EPS15L1: variants seen among roughly 807,000 people sequenced by gnomAD.
EPS15L1 encodes the protein epidermal growth factor receptor pathway substrate 15 like 1.
EPS15L1 carries 43 observed loss-of-function variants against 117.1 expected under a neutral mutation model. That is an observed-to-expected ratio of 0.37 (90% confidence interval 0.29 to 0.47). The LOEUF is 0.47. Among genes scored for constraint, EPS15L1 ranks in the 20% least tolerant of loss-of-function variants. The probability of loss-of-function intolerance (pLI) is 0.99; values close to 1 mark genes in which losing one functional copy is unlikely to be tolerated. For synonymous variants in EPS15L1, 459 were observed against 470.5 expected, an observed-to-expected ratio of 0.98 and a Z score of 0.32; for missense variants, 981 against 1,164.0, an observed-to-expected ratio of 0.84 and a Z score of 2.29.
At chr19:16,444,105 C>G (rs1599660437) in intron 1 of EPS15L1, among the ~76,000 whole-genome samples, 1 of 115,426 alleles carries the variant, frequency 8.7e-6, no homozygotes, top group African/African-American at 3.3e-5. Flanking sequence ...ACAGAGAAAA[C>G]TACCATGACA....
intron 1 of EPS15L1, among the ~76,000 whole-genome samples, chr19:16,450,477 CTTTTTTTT>C (rs768287701): frequency 1.8e-5 from 2 of 108,198 alleles, no homozygotes; most frequent in Admixed American, 1.0e-4. Context: ...TGTCCATCTT[CTTTTTTTT>C]TTTTTTTTTT....
chr19:16,418,214 G>A, intron 10 of EPS15L1, 110 bp from the exon 11 acceptor site: 3 of 1,264,918 alleles, frequency 2.4e-6, no homozygotes, highest in South Asian at 2.8e-5. Flanking sequence ...AACAACGGCA[G>A]GGCGTGGTGG....
intron 19 of EPS15L1, 77 bp downstream of exon 19, chr19:16,392,227 G>C: frequency 6.5e-7 from 1 of 1,546,054 alleles, no homozygotes; most frequent in Admixed American, 1.7e-5. Flanking sequence ...CGAAGGGAAG[G>C]GGGCCTTCGG....
At chr19:16,407,257 T>C (rs1391124778) in intron 13 of EPS15L1, among the ~76,000 whole-genome samples, 1 of 152,160 alleles carries the variant, frequency 6.6e-6, no homozygotes, top group Non-Finnish European at 1.5e-5. Flanking sequence ...CAGAAGCTCC[T>C]GCCCTACTCA....
chr19:16,416,419 T>C (rs907907043), intron 12 of EPS15L1, among the ~76,000 whole-genome samples: 2 of 152,140 alleles, frequency 1.3e-5, no homozygotes, highest in Non-Finnish European at 2.9e-5. Flanking sequence ...GAGGATCACT[T>C]GAGCTCAGGA....
intron 3 of EPS15L1, chr19:16,441,134 T>A: frequency 1.7e-6 from 1 of 580,462 alleles, no homozygotes; most frequent in South Asian, 1.9e-5. Context: ...TGCACTCAGC[T>A]CCCAAGCCAA....
chr19:16,413,612 T>TG (rs2092728273), intron 13 of EPS15L1, 161 bp downstream of exon 13: 5 of 730,352 alleles, frequency 6.8e-6, no homozygotes, highest in Non-Finnish European at 1.1e-5. Context: ...GAATTCAGCC[T>TG]GAAAAAAAAA....
intron 23 of EPS15L1, chr19:16,356,239 G>A (rs2091978436): frequency 4.4e-6 from 1 of 227,936 alleles, no homozygotes; most frequent in African/African-American, 2.2e-5. Flanking sequence ...TCTGCACTCT[G>A]GGAATGTGGT....
intron 6 of EPS15L1, among the ~76,000 whole-genome samples, chr19:16,436,095 CAT>C (rs1346037514): frequency 2.6e-5 from 4 of 152,344 alleles, no homozygotes; most frequent in African/African-American, 9.6e-5. Context: ...TCCTCAGTCA[CAT>C]GACATATCTT....
intron 1 of EPS15L1, among the ~76,000 whole-genome samples, chr19:16,461,904 G>A (rs1390671216): frequency 6.6e-6 from 1 of 152,198 alleles, no homozygotes; most frequent in African/African-American, 2.4e-5. Flanking sequence ...TGGAGAGACA[G>A]ACTGCGCTCC....
chr19:16,389,137 AG>A (rs944325621), intron 19 of EPS15L1, among the ~76,000 whole-genome samples: 1 of 151,388 alleles, frequency 6.6e-6, no homozygotes, highest in Non-Finnish European at 1.5e-5. Flanking sequence ...TGGGAGGCGG[AG>A]GTTGGAAAAA....
At chr19:16,410,725 A>G (rs1259194752) in intron 13 of EPS15L1, among the ~76,000 whole-genome samples, 1 of 152,160 alleles carries the variant, frequency 6.6e-6, no homozygotes, top group Non-Finnish European at 1.5e-5. Flanking sequence ...AACCTGGACA[A>G]CACAGTGAGA....
Position 16,371,880 on chromosome 19 carries a change from C to G in EPS15L1, c.2380+5242G>C, listed in dbSNP as rs1291523793. 6.6e-6 allele frequency among the ~76,000 whole-genome samples: 1 copy of G among 152,216 alleles called. No homozygotes were observed. Among genetic ancestry groups the G allele is most frequent in the African/African-American group, 2.4e-5 (1 of 41,454 alleles). ...GTTGCAGAAAATATACCATTGTTTACCTGGGGGAGGTGTGTGCCACGGCTA... is the reference window on the plus strand; with the variant it reads ...GTTGCAGAAAATATACCATTGTTTAGCTGGGGGAGGTGTGTGCCACGGCTA... On this transcript the variant is annotated intron_variant, in intron 22 of 23. Transcript: ENST00000455140. This position sits in a 1 kb window ranked among gnomAD's most constrained non-coding sequence, Gnocchi z 4.7.
intron 6 of EPS15L1, among the ~76,000 whole-genome samples, chr19:16,435,474 C>T (rs1283470100): frequency 6.6e-6 from 1 of 152,124 alleles, no homozygotes; most frequent in Non-Finnish European, 1.5e-5. Context: ...GAACTGTACA[C>T]TTAGAAATGG....
At chr19:16,452,306 CGTGGTG>C (rs1248678934) in intron 1 of EPS15L1, among the ~76,000 whole-genome samples, 2 of 151,568 alleles carry the variant, frequency 1.3e-5, no homozygotes, top group African/African-American at 2.4e-5. Flanking sequence ...ATTAGCCAAG[CGTGGTG>C]GCAGGCACCT....
intron 21 of EPS15L1, among the ~76,000 whole-genome samples, chr19:16,378,200 AG>A (rs2144706877): frequency 6.6e-6 from 1 of 151,932 alleles, no homozygotes; most frequent in East Asian, 1.9e-4. Context: ...GACGTCTTGC[AG>A]GTAGGTAGGT....
intron 1 of EPS15L1, among the ~76,000 whole-genome samples, chr19:16,457,951 C>A (rs1453117072): frequency 6.6e-6 from 1 of 152,054 alleles, no homozygotes; most frequent in African/African-American, 2.4e-5. Flanking sequence ...CCCACAAGGG[C>A]CCACTTCCCA....
chr19:16,417,769 C>A, intron 11 of EPS15L1, 132 bp from the exon 12 acceptor site: 6 of 1,157,312 alleles, frequency 5.2e-6, no homozygotes, highest in Non-Finnish European at 7.5e-6. Context: ...AAAGTGTCAG[C>A]CCCCTGCCTG....
intron 22 of EPS15L1, 129 bp from the exon 23 acceptor site, chr19:16,362,113 G>A: frequency 1.1e-6 from 1 of 928,968 alleles, no homozygotes; most frequent in East Asian, 2.7e-5. Context: ...TTGGCTAACA[G>A]GCTGGACGGG....
Sources: gnomAD v4.1 joint callset for allele counts (sites outside exome capture counted in the v4.1 genomes callset) on GRCh38, gnomAD v4.1.1 for gene constraint, Gnocchi (gnomAD v3.1) non-coding constraint, MANE v1.5 for transcripts, NCBI Gene and HGNC (gene_info 2026-07-23, HGNC 2026-07-21) for gene names.